The following PLCB4 variants were observed in gnomAD, a reference collection of about 807,000 sequenced individuals.
The protein encoded by PLCB4 is phospholipase C beta 4, also known as 1-phosphatidylinositol 4,5-bisphosphate phosphodiesterase beta-4.
In PLCB4, 77 loss-of-function variants were observed where a neutral mutation model predicts 178.8. The observed-to-expected ratio is 0.43, with a 90% CI of 0.36 to 0.52. The LOEUF (loss-of-function observed/expected upper bound fraction) is 0.52. Among genes scored for constraint, PLCB4 ranks in the 20% least tolerant of loss-of-function variants. PLCB4 has a pLI of 0.00. For missense variants in PLCB4, 1,024 were observed against 1,453.4 expected (o/e 0.70, Z 4.80); for synonymous variants, 496 against 490.8 (o/e 1.01, Z -0.14).
intron 3 of PLCB4, among the ~76,000 whole-genome samples, chr20:9,289,281 A>G (rs1185448208): frequency 1.3e-5 from 2 of 152,134 alleles, no homozygotes; most frequent in African/African-American, 2.4e-5. Flanking sequence ...AATTAATGTC[A>G]TGGCCTAAGT....
intron 3 of PLCB4, among the ~76,000 whole-genome samples, chr20:9,224,591 T>G (rs944294040): frequency 1.3e-5 from 2 of 152,210 alleles, no homozygotes; most frequent in African/African-American, 4.8e-5. Context: ...AAGACTTGTC[T>G]TACCTTTTCC....
intron 2 of PLCB4, among the ~76,000 whole-genome samples, chr20:9,101,616 C>T (rs1191214843): frequency 2.6e-5 from 4 of 152,086 alleles, no homozygotes; most frequent in African/African-American, 9.7e-5. Flanking sequence ...CCACATAAAT[C>T]TCATTATTTC....
rs1298909358 is a variant in PLCB4, at chr20:9,479,145, T to C, written c.*136T>C. The C allele has an allele frequency of 7.5e-6, 5 of 667,244 alleles. No individual in the cohort carries two copies. The highest frequency in any genetic ancestry group is 1.1e-5 in the Non-Finnish European group (4 of 376,068). 41.3% of individuals were successfully genotyped at this position (667,244 alleles called of 1,614,324 possible). On this transcript the variant is annotated 3_prime_UTR_variant, in exon 40 of 40. Transcript: ENST00000378473. ...TGAAACCAGAGAGACTTGGAATGTC[T>C]GACTGACTTCTATTTAACAGCTTGA...
chr20:9,098,289 A>G (rs6056401), intron 2 of PLCB4, among the ~76,000 whole-genome samples: 94,734 of 151,934 alleles, frequency 0.62, 30,245 homozygotes, highest in Middle Eastern at 0.77. Flanking sequence ...AGGAAATCCA[A>G]ATTATTAAAC....
intron 3 of PLCB4, among the ~76,000 whole-genome samples, chr20:9,236,118 T>C (rs1329054868): frequency 2.6e-5 from 4 of 152,134 alleles, no homozygotes; most frequent in Non-Finnish European, 5.9e-5. Context: ...AAGCGTAATC[T>C]CTTTCTTGAC....
intron 35 of PLCB4, among the ~76,000 whole-genome samples, chr20:9,467,528 T>C (rs2043878020): frequency 6.6e-6 from 1 of 152,266 alleles, no homozygotes; most frequent in Non-Finnish European, 1.5e-5. Context: ...GTTGTGTTTC[T>C]TCCTCATGAT....
chr20:9,461,339 C>T (rs1192465560), intron 35 of PLCB4, among the ~76,000 whole-genome samples: 2 of 152,168 alleles, frequency 1.3e-5, no homozygotes, highest in South Asian at 2.1e-4. Context: ...CTAGCATGAT[C>T]GATGCAGAAG....
intron 4 of PLCB4, among the ~76,000 whole-genome samples, chr20:9,330,437 G>A (rs1490367432): frequency 1.3e-5 from 2 of 152,102 alleles, no homozygotes; most frequent in African/African-American, 4.8e-5. Context: ...TACCTAGGCA[G>A]TGTTCGTTTA....
chr20:9,427,579 T>TAA (rs2148601578), intron 28 of PLCB4, among the ~76,000 whole-genome samples: 1 of 152,334 alleles, frequency 6.6e-6, no homozygotes, highest in African/African-American at 2.4e-5. Flanking sequence ...GCTGGGATTA[T>TAA]CTTTGCTGCT....
chr20:9,267,769 T>G (rs1405146177), intron 3 of PLCB4, among the ~76,000 whole-genome samples: 1 of 152,174 alleles, frequency 6.6e-6, no homozygotes, highest in Non-Finnish European at 1.5e-5. Flanking sequence ...TGGCAATCAC[T>G]TTAAGATGTG....
chr20:9,412,518 C>T (rs1216375558), intron 25 of PLCB4, among the ~76,000 whole-genome samples: 12 of 152,090 alleles, frequency 7.9e-5, no homozygotes, highest in African/African-American at 1.4e-4. Flanking sequence ...TTTTCTAGAA[C>T]GAAACAGGGA....
chr20:9,098,716 C>CGT (rs1206648946), intron 2 of PLCB4, among the ~76,000 whole-genome samples: 6 of 132,568 alleles, frequency 4.5e-5, no homozygotes, highest in Admixed American at 3.2e-4. Context: ...TACATATATA[C>CGT]GTGTGTGTGT....
At chr20:9,123,315 A>C (rs560709110) in intron 2 of PLCB4, among the ~76,000 whole-genome samples, 1 of 152,112 alleles carries the variant, frequency 6.6e-6, no homozygotes, top group South Asian at 2.1e-4. Flanking sequence ...GCTTGTAAAT[A>C]TGGCCTGAGT....
chr20:9,477,269 A>G (rs772029910), intron 39 of PLCB4, among the ~76,000 whole-genome samples: 26 of 152,210 alleles, frequency 1.7e-4, no homozygotes, highest in Admixed American at 4.6e-4. Context: ...TAAGGTGGTC[A>G]TATAATTTAT....
chr20:9,336,192 T>C lies in PLCB4; in HGVS notation c.85-934T>C, dbSNP rs548966822. Among the ~76,000 whole-genome samples the C allele has an allele frequency of 7.2e-5, 11 of 152,256 alleles. No homozygotes were observed. In the South Asian group the frequency reaches 2.3e-3, roughly 32 times the overall value. Reference sequence around the variant, plus strand: ...AGCTCATGAAAAGAACATGTAGATTTGTTGAAGTGTGAATGCTAAGTATTG... The same window carrying C: ...AGCTCATGAAAAGAACATGTAGATTCGTTGAAGTGTGAATGCTAAGTATTG... On this transcript the variant is annotated intron_variant, in intron 4 of 39. Transcript: ENST00000378473.
intron 25 of PLCB4, among the ~76,000 whole-genome samples, 198 bp from the exon 26 acceptor site, chr20:9,419,609 C>T (rs989709213): frequency 4.6e-5 from 7 of 152,064 alleles, no homozygotes; most frequent in Non-Finnish European, 1.0e-4. Context: ...TCAGGAAGTC[C>T]TGGATACCAC....
intron 39 of PLCB4, among the ~76,000 whole-genome samples, chr20:9,477,633 C>G (rs2044635515): frequency 6.6e-6 from 1 of 152,082 alleles, no homozygotes; most frequent in South Asian, 2.1e-4. Flanking sequence ...CTTCATTTCT[C>G]TATTAGAGTA....
At chr20:9,403,281 A>G (rs1425003652) in intron 20 of PLCB4, among the ~76,000 whole-genome samples, 1 of 152,218 alleles carries the variant, frequency 6.6e-6, no homozygotes. Flanking sequence ...AAATACTGAG[A>G]TGATTCACAA....
intron 7 of PLCB4, among the ~76,000 whole-genome samples, chr20:9,347,377 A>G (rs1203877698): frequency 6.6e-6 from 1 of 152,196 alleles, no homozygotes; most frequent in East Asian, 1.9e-4. Flanking sequence ...CATTGTGCAA[A>G]ATGACAAACA....
Sources: allele counts gnomAD v4.1 joint callset (sites outside exome capture counted in the v4.1 genomes callset), GRCh38; gene constraint gnomAD v4.1.1; transcripts MANE v1.5; gene names NCBI Gene and HGNC (gene_info 2026-07-23, HGNC 2026-07-21).